The following LDLRAD2 variants were observed in gnomAD, a reference collection of about 807,000 sequenced individuals.
LDLRAD2 encodes the protein low-density lipoprotein receptor class A domain-containing protein 2.
In LDLRAD2, 25 loss-of-function variants were observed where a neutral mutation model predicts 24.9. The ratio of observed to expected loss-of-function variants is 1.00; its 90% CI spans 0.73 to 1.40. The LOEUF (loss-of-function observed/expected upper bound fraction) is 1.40, where lower values mean the gene tolerates loss of function less well. Ranked by LOEUF, LDLRAD2 falls within the 40% of genes most tolerant of loss-of-function variation. The pLI is 0.00. For missense variants in LDLRAD2, 391 were observed against 366.2 expected (o/e 1.07, Z -0.55); for synonymous variants, 182 against 166.7 (o/e 1.09, Z -0.71).
At chr1:21,818,272 A>G (rs2097946289) in intron 3 of LDLRAD2, among the ~76,000 whole-genome samples, 1 of 152,092 alleles carries the variant, frequency 6.6e-6, no homozygotes, top group East Asian at 1.9e-4. Flanking sequence ...TTGGCCTCCC[A>G]AAGTGCTGGG....
chr1:21,814,317 T>C, intron 1 of LDLRAD2, 81 bp from the exon 2 acceptor site: 1 of 1,223,442 alleles, frequency 8.2e-7, no homozygotes. Flanking sequence ...GTAACTCGCT[T>C]GGGATCACAC....
At chr1:21,820,234 C>T (rs2097948861) in intron 3 of LDLRAD2, among the ~76,000 whole-genome samples, 1 of 152,226 alleles carries the variant, frequency 6.6e-6, no homozygotes, top group Admixed American at 6.5e-5. Context: ...TGCTTTGCCA[C>T]AGTAAGAAAA....
intron 3 of LDLRAD2, among the ~76,000 whole-genome samples, chr1:21,817,948 C>T (rs192938485): frequency 8.3e-4 from 126 of 152,284 alleles, no homozygotes; most frequent in African/African-American, 2.8e-3. Flanking sequence ...GTGATCTCGG[C>T]TCACTGCAAC....
rs528829386 is a variant in LDLRAD2 at position 21,824,268 on chromosome 1, C to G, written c.*2053C>G. On this transcript the variant is annotated 3_prime_UTR_variant, in exon 5 of 5. Coordinates refer to ENST00000344642, the MANE Select transcript of LDLRAD2 (RefSeq NM_001013693.3). The surrounding 1 kb of genome is among the most constrained non-coding windows in gnomAD (Gnocchi z 5.9). ...GGACCGGGGGGTGGGGTGCTGGGACCAGGGAAGGGAGAGGAAGGGCCAGGT... is the reference window on the plus strand; with the variant it reads ...GGACCGGGGGGTGGGGTGCTGGGACGAGGGAAGGGAGAGGAAGGGCCAGGT... The G allele has an allele frequency of 1.3e-5, 21 of 1,613,254 alleles. No individual in the cohort carries two copies. The South Asian group carries it at 2.1e-4, about 16-fold the overall frequency.
chr1:21,817,222 G>A (rs888546764), intron 3 of LDLRAD2, among the ~76,000 whole-genome samples: 6 of 152,132 alleles, frequency 3.9e-5, no homozygotes, highest in Admixed American at 6.6e-5. Context: ...ACCAGCTCTC[G>A]TCTGGGTTGT....
intron 2 of LDLRAD2, 49 bp from the exon 3 acceptor site, chr1:21,815,894 C>A: frequency 6.2e-7 from 1 of 1,606,172 alleles, no homozygotes; most frequent in South Asian, 1.1e-5. Context: ...CCTGCTGTGT[C>A]GTGGGCTGGA....
chr1:21,814,534 C>T lies in LDLRAD2; in HGVS notation c.222C>T (p.Gly74=). ...TCTGGGTGCAGGCGGCAGCCCCCGG[C>T]GACCGGATCCGCTTCCAGTTCCGCT... ...CGLWVQAAAP[G]DRIRFQFRFF... is the part of the protein sequence containing the mutation. Residue 74 remains glycine, a synonymous_variant, in exon 2 of 5, where the codon GGC becomes GGT. Coordinates refer to ENST00000344642, the MANE Select transcript of LDLRAD2 (RefSeq NM_001013693.3). 1 of 1,612,438 alleles carries T rather than the reference C, an allele frequency of 6.2e-7. No homozygotes were observed. The highest frequency in any genetic ancestry group is 8.5e-7 in the Non-Finnish European group (1 of 1,179,560).
At position 21,824,463 on chromosome 1, in the gene LDLRAD2, C is replaced by T. The variant is rs907179124; in HGVS notation, c.*2248C>T. On this transcript the variant is annotated 3_prime_UTR_variant, in exon 5 of 5. Transcript: ENST00000344642. The surrounding 1 kb of genome is among the most constrained non-coding windows in gnomAD (Gnocchi z 5.9). ...AGGGGGCTCTGCTTTCCCCTCCCCC[C>T]ACCACTCCGGCCACCAGGAAGCCAG... 8.1e-6 allele frequency: 13 copies of T among 1,603,176 alleles called. No individual in the cohort carries two copies. The highest frequency in any genetic ancestry group is 1.8e-4 in the Middle Eastern group (1 of 5,410).
chr1:21,822,239 G>GC lies in LDLRAD2; in HGVS notation c.*28dup, dbSNP rs781213126. On this transcript the variant is annotated 3_prime_UTR_variant, in exon 5 of 5. Coordinates refer to ENST00000344642, the MANE Select transcript of LDLRAD2 (RefSeq NM_001013693.3). Reference sequence around the variant, plus strand: ...GAAGCCCTCATCAAAGACTCAGGAGGCCCCTGGCGGGGATAGCACCGTTTA... The same window carrying GC: ...GAAGCCCTCATCAAAGACTCAGGAGGCCCCCTGGCGGGGATAGCACCGTTTA... 4 of 1,608,770 alleles carry GC rather than the reference G, an allele frequency of 2.5e-6. No homozygotes were observed. Among genetic ancestry groups the GC allele is most frequent in the Non-Finnish European group, 3.4e-6 (4 of 1,175,184 alleles).
intron 2 of LDLRAD2, 129 bp downstream of exon 2, chr1:21,814,952 C>A: frequency 1.1e-6 from 1 of 904,602 alleles, no homozygotes; most frequent in Non-Finnish European, 1.5e-6. Flanking sequence ...CACAAGATGG[C>A]AGGGACTGGG....
chr1:21,814,282 G>A, intron 1 of LDLRAD2, 116 bp from the exon 2 acceptor site: 1 of 753,350 alleles, frequency 1.3e-6, no homozygotes, highest in Non-Finnish European at 2.1e-6. Context: ...TTACCGATGA[G>A]GAAAATGAGG....
At position 21,818,232 on chromosome 1, in the gene LDLRAD2, A is replaced by C. The variant is rs868357802; in HGVS notation, c.643+2158A>C. ...TCTCCATGTTGGACAGGCTGGTCTCAAACTCCTGACCTCAAGTGATCCACC... is the reference window on the plus strand; with the variant it reads ...TCTCCATGTTGGACAGGCTGGTCTCCAACTCCTGACCTCAAGTGATCCACC... On this transcript the variant is annotated intron_variant, in intron 3 of 4. Coordinates refer to ENST00000344642, the MANE Select transcript of LDLRAD2 (RefSeq NM_001013693.3). Among the ~76,000 whole-genome samples the C allele has an allele frequency of 1.2e-4, 17 of 147,650 alleles. 1 individual carries two copies. The highest frequency in any genetic ancestry group is 3.5e-3 in the Middle Eastern group (1 of 288).
rs1173745244 is a variant in LDLRAD2 at position 21,816,085 on chromosome 1, G to A, written c.643+11G>A. On this transcript the variant is annotated intron_variant, in intron 3 of 4. Coordinates refer to ENST00000344642, the MANE Select transcript of LDLRAD2 (RefSeq NM_001013693.3). Reference sequence around the variant, plus strand: ...CAGCTGACTGCAGAGGTCAGTGCGGGGTGTGGACTGGGCCCTACTGAACAG... The same window carrying A: ...CAGCTGACTGCAGAGGTCAGTGCGGAGTGTGGACTGGGCCCTACTGAACAG... 1 of 1,611,760 alleles carries A rather than the reference G, an allele frequency of 6.2e-7. No homozygotes were observed. The highest frequency in any genetic ancestry group is 2.2e-5 in the East Asian group (1 of 44,874).
At position 21,824,405 on chromosome 1, in the gene LDLRAD2, T is replaced by A; in HGVS notation, c.*2190T>A. ...CCAGGGAAGCACAGGGTCTCTGGGG[T>A]CCCCAGCCTGGAGAGCAGAGGCTGC... On this transcript the variant is annotated 3_prime_UTR_variant, in exon 5 of 5. Transcript: ENST00000344642. The surrounding 1 kb of genome is among the most constrained non-coding windows in gnomAD (Gnocchi z 5.9). 1 of 1,611,954 alleles carries A rather than the reference T, an allele frequency of 6.2e-7. No individual in the cohort carries two copies. Among genetic ancestry groups the A allele is most frequent in the Non-Finnish European group, 8.5e-7 (1 of 1,178,786 alleles).
chr1:21,824,190 C>T lies in LDLRAD2; in HGVS notation c.*1975C>T. 5 of 1,613,806 alleles carry T rather than the reference C, an allele frequency of 3.1e-6. No homozygotes were observed. Among genetic ancestry groups the T allele is most frequent in the Non-Finnish European group, 3.4e-6 (4 of 1,180,028 alleles). On this transcript the variant is annotated 3_prime_UTR_variant, in exon 5 of 5. Coordinates refer to ENST00000344642, the MANE Select transcript of LDLRAD2 (RefSeq NM_001013693.3). This position sits in a 1 kb window ranked among gnomAD's most constrained non-coding sequence, Gnocchi z 5.9. The stretch of plus-strand genomic sequence containing the variant: ...CTCAGAGACCAGGCGGGCCTCCCCA[C>T]TACCCAGCTGGTACCTGCAGTCATC...
At chr1:21,815,188 A>G (rs769877150) in intron 2 of LDLRAD2, among the ~76,000 whole-genome samples, 1 of 151,978 alleles carries the variant, frequency 6.6e-6, no homozygotes, top group East Asian at 1.9e-4. Context: ...TGACATCCAC[A>G]CCCATGTCAC....
Position 21,821,448 on chromosome 1 carries a change from A to G in LDLRAD2, c.644-2A>G, listed in dbSNP as rs2097951765. On this transcript the variant is annotated splice_acceptor_variant, in intron 3 of 4. Transcript: ENST00000344642. LOFTEE classifies it high-confidence loss of function. ...GTGCTAGTTCTGTTCTTTCCCATGC[A>G]GGTCCCTCTCCGGTGCCCAGCCAGA... is the stretch of plus-strand genomic sequence containing the variant. 1 of 1,614,100 alleles carries G rather than the reference A, an allele frequency of 6.2e-7. No homozygotes were observed. Among genetic ancestry groups the G allele is most frequent in the Non-Finnish European group, 8.5e-7 (1 of 1,180,006 alleles).
Position 21,812,469 on chromosome 1 carries a change from TC to T in LDLRAD2, c.19del (p.Leu7CysfsTer15). 2 of 1,614,160 alleles carry T rather than the reference TC, an allele frequency of 1.2e-6. No individual in the cohort carries two copies. Among genetic ancestry groups the T allele is most frequent in the Non-Finnish European group, 1.7e-6 (2 of 1,179,990 alleles). On this transcript the variant is annotated frameshift_variant, in exon 1 of 5. Transcript: ENST00000344642. LOFTEE classifies it high-confidence loss of function. MEACCL[L>X]QLPQRLLLLG... ...GAGCCTGGATGGAGGCTTGTTGTCT[TC>T]TGCAGTTGCCCCAAAGGTTGCTCTT...
At position 21,823,320 on chromosome 1, in the gene LDLRAD2, G is replaced by A. The variant is rs961325868; in HGVS notation, c.*1105G>A. ...CCGTGTGGGGCAGGCAGGTGCCTAC[G>A]AGGGGCAGGGGCGTGTGTTGGCCCC... On this transcript the variant is annotated 3_prime_UTR_variant, in exon 5 of 5. Transcript: ENST00000344642. 36 of 1,531,646 alleles carry A rather than the reference G, an allele frequency of 2.4e-5. No homozygotes were observed. The highest frequency in any genetic ancestry group is 1.1e-4 in the African/African-American group (8 of 72,838). The allele number at this position is 1,531,646 out of a possible 1,614,324, so 94.9% of individuals were successfully genotyped here.
Sources: allele counts gnomAD v4.1 joint callset (sites outside exome capture counted in the v4.1 genomes callset), GRCh38; gene constraint gnomAD v4.1.1; non-coding constraint Gnocchi (gnomAD v3.1); transcripts MANE v1.5; gene names NCBI Gene and HGNC (gene_info 2026-07-23, HGNC 2026-07-21).